AGPS: variants seen among roughly 807,000 people sequenced by gnomAD.
AGPS encodes alkyldihydroxyacetonephosphate synthase, peroxisomal.
AGPS carries 26 observed loss-of-function variants against 90.7 expected under a neutral mutation model. The observed-to-expected ratio is 0.29, with a 90% CI of 0.21 to 0.40. AGPS has a LOEUF of 0.40. Among genes scored for constraint, AGPS ranks in the 10% least tolerant of loss-of-function variants. The pLI, the probability that AGPS is intolerant of heterozygous loss-of-function variation, is 1.00. For synonymous variants in AGPS, 294 were observed against 285.3 expected, an observed-to-expected ratio of 1.03 and a Z score of -0.31; for missense variants, 540 against 816.1, an observed-to-expected ratio of 0.66 and a Z score of 4.12.
chr2:177,494,643 TC>T (rs1484855634), intron 12 of AGPS, among the ~76,000 whole-genome samples: 1 of 152,154 alleles, frequency 6.6e-6, no homozygotes, highest in East Asian at 1.9e-4. Context: ...TCATCCCTCT[TC>T]CATGTTCTCA....
intron 14 of AGPS, among the ~76,000 whole-genome samples, chr2:177,500,301 T>G (rs1205602707): frequency 6.6e-6 from 1 of 152,010 alleles, no homozygotes; most frequent in African/African-American, 2.4e-5. Context: ...TAAGACTGAT[T>G]GATGAGAACT....
chr2:177,486,903 T>C (rs1268396992), intron 11 of AGPS, among the ~76,000 whole-genome samples: 3 of 151,646 alleles, frequency 2.0e-5, no homozygotes, highest in Admixed American at 6.6e-5. Flanking sequence ...TAGTGGAAGA[T>C]TAATGTGATT....
chr2:177,446,238 C>T (rs1247810500), intron 8 of AGPS, among the ~76,000 whole-genome samples: 3 of 152,020 alleles, frequency 2.0e-5, no homozygotes, highest in African/African-American at 7.2e-5. Context: ...ACTGCAAGCT[C>T]CGCCTCCTGG....
intron 1 of AGPS, among the ~76,000 whole-genome samples, chr2:177,403,588 T>C (rs1226600024): frequency 6.6e-6 from 1 of 152,228 alleles, no homozygotes; most frequent in Non-Finnish European, 1.5e-5. Flanking sequence ...TTTGGCATTC[T>C]AAAATGTTAT....
intron 19 of AGPS, among the ~76,000 whole-genome samples, chr2:177,535,625 A>G (rs1323512885): frequency 2.0e-5 from 3 of 152,174 alleles, no homozygotes; most frequent in African/African-American, 7.2e-5. Flanking sequence ...CAGAATCTCA[A>G]GAAGACTCCA....
chr2:177,427,600 C>T (rs1324453449), intron 2 of AGPS, among the ~76,000 whole-genome samples: 3 of 150,932 alleles, frequency 2.0e-5, no homozygotes, highest in Non-Finnish European at 4.5e-5. Context: ...TTAATTTCAC[C>T]CAGGAGTCAT....
At chr2:177,448,021 C>T (rs1307791521) in intron 8 of AGPS, among the ~76,000 whole-genome samples, 2 of 151,988 alleles carry the variant, frequency 1.3e-5, no homozygotes, top group South Asian at 2.1e-4. Flanking sequence ...ATTTTTCCTA[C>T]GTTTATTAAA....
intron 1 of AGPS, 95 bp from the exon 2 acceptor site, chr2:177,420,174 A>G: frequency 1.2e-6 from 1 of 808,866 alleles, no homozygotes; most frequent in Admixed American, 1.9e-5. Context: ...GGCATAAGGT[A>G]TTTTAGATGA....
intron 5 of AGPS, among the ~76,000 whole-genome samples, chr2:177,440,665 G>A (rs1458669227): frequency 6.6e-6 from 1 of 152,124 alleles, no homozygotes; most frequent in African/African-American, 2.4e-5. Flanking sequence ...TTATTGTATT[G>A]TATCAGTGTT....
At position 177,541,910 on chromosome 2, in the gene AGPS, GTAAGTTAC is replaced by G. The variant is rs1260460507; in HGVS notation, c.*3717_*3724del. ...AAATATAGTGTCTGATATAAAGGAT[GTAAGTTAC>G]TCAGCTTTCTGCTCCCTAAGCCAAA... On this transcript the variant is annotated 3_prime_UTR_variant, in exon 20 of 20. Transcript: ENST00000264167. 1 of 152,184 alleles carries G rather than the reference GTAAGTTAC, an allele frequency of 6.6e-6. No homozygotes were observed. Among genetic ancestry groups the G allele is most frequent in the Non-Finnish European group, 1.5e-5 (1 of 68,012 alleles). 9.4% of individuals were successfully genotyped at this position (152,184 alleles called of 1,614,324 possible).
chr2:177,474,730 T>C (rs1473382330), intron 10 of AGPS, among the ~76,000 whole-genome samples: 1 of 152,234 alleles, frequency 6.6e-6, no homozygotes, highest in African/African-American at 2.4e-5. Context: ...TCATCACATT[T>C]AGAGCCAGTT....
intron 8 of AGPS, among the ~76,000 whole-genome samples, chr2:177,453,509 G>A (rs543518771): frequency 3.7e-4 from 56 of 151,818 alleles, no homozygotes; most frequent in Admixed American, 1.9e-3. Context: ...GACCTCTGAT[G>A]TTCCACTGCC....
chr2:177,482,806 A>G (rs1008141717), intron 11 of AGPS, among the ~76,000 whole-genome samples: 2 of 152,094 alleles, frequency 1.3e-5, no homozygotes, highest in African/African-American at 4.8e-5. Context: ...TTTTAAGACA[A>G]GATAATGCTA....
intron 2 of AGPS, among the ~76,000 whole-genome samples, chr2:177,425,433 C>T (rs1002695247): frequency 6.6e-6 from 1 of 151,776 alleles, no homozygotes; most frequent in South Asian, 2.1e-4. Context: ...CCAGCCTGAC[C>T]AACATGGAGA....
intron 19 of AGPS, among the ~76,000 whole-genome samples, chr2:177,524,848 T>C (rs2079067565): frequency 6.6e-6 from 1 of 152,176 alleles, no homozygotes; most frequent in Non-Finnish European, 1.5e-5. Flanking sequence ...AGAATTCTGT[T>C]GGAAAAGGAG....
rs149860925 is a variant in AGPS, at chr2:177,486,830, C to T, written c.1233+4644C>T. On this transcript the variant is annotated intron_variant, in intron 11 of 19. Transcript: ENST00000264167. ...CTAAAGTCTCTCATCCGATCTTTGT[C>T]CATGTGAGCAAGTATCCTCTTTCAA... is the stretch of plus-strand genomic sequence containing the variant. Among the ~76,000 whole-genome samples, 29 of 150,918 alleles carry T rather than the reference C, an allele frequency of 1.9e-4. 1 individual carries two copies. In the East Asian group the frequency reaches 5.3e-3, roughly 28 times the overall value.
At chr2:177,474,146 A>G (rs568184612) in intron 10 of AGPS, among the ~76,000 whole-genome samples, 9 of 152,216 alleles carry the variant, frequency 5.9e-5, no homozygotes, top group Non-Finnish European at 1.0e-4. Flanking sequence ...ATATGTAGAA[A>G]CATGGGAAAT....
chr2:177,537,359 CAAAA>C (rs141563155), intron 19 of AGPS, among the ~76,000 whole-genome samples: 1 of 151,382 alleles, frequency 6.6e-6, no homozygotes, highest in African/African-American at 2.4e-5. Flanking sequence ...GACCTAGAAA[CAAAA>C]AAAGGGAACT....
At position 177,477,948 on chromosome 2, in the gene AGPS, T is replaced by C. The variant is rs186355396; in HGVS notation, c.1106-4111T>C. Among the ~76,000 whole-genome samples the C allele has an allele frequency of 1.4e-4, 22 of 152,322 alleles. No homozygotes were observed. In the East Asian group the frequency reaches 4.2e-3, roughly 29 times the overall value. On this transcript the variant is annotated intron_variant, in intron 10 of 19. Coordinates refer to ENST00000264167, the MANE Select transcript of AGPS (RefSeq NM_003659.4). The stretch of plus-strand genomic sequence containing the variant: ...ATACTATCTTTGGTATTACATAAAA[T>C]AGAAGAAGACTCAAAAGTGCTCTTT...
Sources: gnomAD v4.1 joint callset for allele counts (sites outside exome capture counted in the v4.1 genomes callset) on GRCh38, gnomAD v4.1.1 for gene constraint, MANE v1.5 for transcripts, NCBI Gene and HGNC (gene_info 2026-07-23, HGNC 2026-07-21) for gene names.